The following ZMYM1 variants were observed in gnomAD, a reference collection of about 807,000 sequenced individuals.
ZMYM1 encodes zinc finger MYM-type protein 1.
Under a neutral mutation model 60.0 loss-of-function variants are expected in ZMYM1, and 39 were observed. That is an observed-to-expected ratio of 0.65 (90% CI 0.50 to 0.85). The LOEUF (loss-of-function observed/expected upper bound fraction) is 0.85, where lower values mean the gene tolerates loss of function less well. Ranked by LOEUF, ZMYM1 falls within the 40% of genes least tolerant of loss-of-function variation. ZMYM1 has a pLI of 0.00. For synonymous variants in ZMYM1, 413 were observed against 454.0 expected (o/e 0.91, Z 1.15); for missense variants, 1,171 against 1,309.5 (o/e 0.89, Z 1.63).
In ZMYM1 at chr1:35,113,953, T is replaced by A; in HGVS notation, c.2123T>A (p.Met708Lys). 6.2e-7 allele frequency: 1 copy of A among 1,613,902 alleles called. No individual in the cohort carries two copies. The highest frequency in any genetic ancestry group is 8.5e-7 in the Non-Finnish European group (1 of 1,179,898). ...KTYLQQIGVD[M>K]DKIHGQAYDS... ...TATCTGCAGCAAATTGGAGTTGATA[T>A]GGATAAAATACATGGCCAGGCCTAT... Residue 708 changes from methionine to lysine, a missense_variant, in exon 10 of 10, where the codon ATG becomes AAG. Physicochemically the swap from Met to Lys is moderately conservative, Grantham distance 95 (BLOSUM62 -1). Coordinates refer to ENST00000359858, the MANE Select transcript of ZMYM1 (RefSeq NM_024772.5).
At chr1:35,071,796 A>G (rs1205041035) in intron 1 of ZMYM1, among the ~76,000 whole-genome samples, 1 of 152,200 alleles carries the variant, frequency 6.6e-6, no homozygotes, top group African/African-American at 2.4e-5. Flanking sequence ...ATTTTCAGGA[A>G]TGGTTTGAGA....
intron 3 of ZMYM1, 134 bp downstream of exon 3, chr1:35,096,025 G>A: frequency 1.4e-6 from 1 of 695,922 alleles, no homozygotes; most frequent in Non-Finnish European, 2.4e-6. Flanking sequence ...GTAAGAAAAT[G>A]AAAGAGAGGC....
chr1:35,116,722 T>C (rs1255244844), downstream of ZMYM1, among the ~76,000 whole-genome samples: 1 of 151,968 alleles, frequency 6.6e-6, no homozygotes, highest in African/African-American at 2.4e-5. Context: ...CCTCCCAAAG[T>C]GCTGGGATTA....
intron 1 of ZMYM1, among the ~76,000 whole-genome samples, chr1:35,073,698 G>A (rs1184255771): frequency 6.6e-6 from 1 of 151,006 alleles, no homozygotes; most frequent in Non-Finnish European, 1.5e-5. Context: ...AGGAAAGGAG[G>A]GAGGGAGGAA....
At chr1:35,082,335 C>CT (rs747752622) in intron 1 of ZMYM1, among the ~76,000 whole-genome samples, 95 of 143,690 alleles carry the variant, frequency 6.6e-4, no homozygotes, top group Admixed American at 7.7e-4. Context: ...TCCTTTCCAA[C>CT]TTTTTTTTTT....
chr1:35,106,721 C>T (rs909313009), intron 6 of ZMYM1, among the ~76,000 whole-genome samples: 1 of 151,918 alleles, frequency 6.6e-6, no homozygotes, highest in Non-Finnish European at 1.5e-5. Flanking sequence ...TTGAGAGTAT[C>T]CTGCCTTGGG....
chr1:35,095,784 A>C lies in ZMYM1; in HGVS notation c.97-35A>C. 3 of 1,456,702 alleles carry C rather than the reference A, an allele frequency of 2.1e-6. No individual in the cohort carries two copies. In the South Asian group the frequency reaches 3.8e-5, roughly 19 times the overall value. 90.2% of individuals were successfully genotyped at this position (1,456,702 alleles called of 1,614,324 possible). A position where few individuals can be genotyped will look rare whatever the true frequency, so the allele number is the denominator to read the frequency against. The stretch of plus-strand genomic sequence containing the variant: ...TGGTTGTCTTAAATTCATTGTATTC[A>C]CTATTTTTAATTATTATTTTTTTTT... On this transcript the variant is annotated intron_variant, in intron 2 of 9. Coordinates refer to ENST00000359858, the MANE Select transcript of ZMYM1 (RefSeq NM_024772.5).
At chr1:35,092,603 C>CCTTT (rs371784403) in intron 1 of ZMYM1, among the ~76,000 whole-genome samples, 331 of 146,576 alleles carry the variant, frequency 2.3e-3, no homozygotes, top group African/African-American at 8.5e-3. Context: ...TTCCTACCTT[C>CCTTT]CTTTCTTTCT....
At chr1:35,082,227 A>T (rs1449785303) in intron 1 of ZMYM1, among the ~76,000 whole-genome samples, 1 of 147,066 alleles carries the variant, frequency 6.8e-6, no homozygotes, top group Non-Finnish European at 1.5e-5. Flanking sequence ...ATTCTGCTGA[A>T]TTCACTTATT....
chr1:35,102,369 T>C (rs969481002), intron 4 of ZMYM1, among the ~76,000 whole-genome samples: 1 of 152,250 alleles, frequency 6.6e-6, no homozygotes, highest in African/African-American at 2.4e-5. Context: ...CCGTGAATGA[T>C]TTTTGTAATA....
At chr1:35,088,468 G>A (rs1300745008) in intron 1 of ZMYM1, among the ~76,000 whole-genome samples, 1,558 of 135,846 alleles carry the variant, frequency 0.011, 45 homozygotes, top group African/African-American at 0.031. Flanking sequence ...GTGTGTGTGT[G>A]TGTGTGTGTG....
chr1:35,084,453 G>T (rs1427890669), intron 1 of ZMYM1, among the ~76,000 whole-genome samples: 1 of 152,208 alleles, frequency 6.6e-6, no homozygotes, highest in Admixed American at 6.5e-5. Context: ...CATTAGGCAC[G>T]TGGATAGTAG....
chr1:35,093,618 A>C (rs1643150406), intron 1 of ZMYM1, among the ~76,000 whole-genome samples: 1 of 152,138 alleles, frequency 6.6e-6, no homozygotes, highest in Admixed American at 6.6e-5. Context: ...ATTTTCTCCT[A>C]TTGAAAAGTT....
intron 4 of ZMYM1, 184 bp from the exon 5 acceptor site, chr1:35,104,109 CTG>C (rs1643796967): frequency 2.0e-6 from 1 of 492,322 alleles, no homozygotes. Flanking sequence ...GCTTTATAAT[CTG>C]TAATGTATAG....
chr1:35,062,321 C>T (rs1231802686), intron 1 of ZMYM1, among the ~76,000 whole-genome samples: 6 of 152,176 alleles, frequency 3.9e-5, no homozygotes, highest in Admixed American at 2.0e-4. Context: ...CAACAGAGAA[C>T]ACTAGTTATT....
In ZMYM1 at chr1:35,104,684, C is replaced by T. The variant is rs1643825077; in HGVS notation, c.722C>T (p.Thr241Ile). Reference protein sequence around the residue: ...CCENCGTYCYTSSSLSHILQM... With the variant: ...CCENCGTYCYISSSLSHILQM... ...GAGAACTGTGGCACTTACTGTTACA[C>T]CAGCTCTAGTCTGTCCCACATACTT... The change falls in exon 6 of 10, where the codon ACC becomes ATC. Residue 241 changes from threonine (T) to isoleucine (I), a missense_variant. By Grantham distance (89) the Thr-to-Ile change is moderately conservative. Transcript: ENST00000359858. The T allele has an allele frequency of 6.2e-7, 1 of 1,614,176 alleles. No individual in the cohort carries two copies. The highest frequency in any genetic ancestry group is 8.5e-7 in the Non-Finnish European group (1 of 1,180,024).
At chr1:35,110,526 T>C (rs1644052403) in intron 7 of ZMYM1, 79 bp downstream of exon 7, 2 of 1,159,390 alleles carry the variant, frequency 1.7e-6, no homozygotes, top group South Asian at 7.0e-5. Flanking sequence ...ATAACCTTGA[T>C]TCATTTTCAA....
intron 6 of ZMYM1, among the ~76,000 whole-genome samples, chr1:35,105,990 T>A (rs1643879636): frequency 6.6e-6 from 1 of 152,158 alleles, no homozygotes; most frequent in Admixed American, 6.5e-5. Flanking sequence ...TCATGGTGGC[T>A]TACACCTGTT....
chr1:35,112,596 T>G (rs943280253), intron 9 of ZMYM1, among the ~76,000 whole-genome samples: 1 of 146,528 alleles, frequency 6.8e-6, no homozygotes, highest in Non-Finnish European at 1.5e-5. Flanking sequence ...ATATTTATTA[T>G]ATATTATATT....
Sources: allele counts gnomAD v4.1 joint callset (sites outside exome capture counted in the v4.1 genomes callset), GRCh38; gene constraint gnomAD v4.1.1; transcripts MANE v1.5; gene names NCBI Gene and HGNC (gene_info 2026-07-23, HGNC 2026-07-21).